ASH1L: variants seen among roughly 807,000 people sequenced by gnomAD.
The protein encoded by ASH1L is histone-lysine N-methyltransferase ASH1L.
Under a neutral mutation model 269.0 loss-of-function variants are expected in ASH1L, and 23 were observed. That is an observed-to-expected ratio of 0.09 (90% CI 0.06 to 0.12). The LOEUF is 0.12. Among genes scored for constraint, ASH1L ranks in the 10% least tolerant of loss-of-function variants. The pLI is 1.00. For synonymous variants in ASH1L, 1,187 were observed against 1,253.5 expected (o/e 0.95, Z 1.12); for missense variants, 2,912 against 3,567.8 (o/e 0.82, Z 4.68).
Position 155,389,410 on chromosome 1 carries a change from T to C in ASH1L, c.6103+6049A>G, listed in dbSNP as rs532701984. ...AAAAGAGGCTAGGCGCGGTGGCTCA[T>C]GCCTGTAATCCCAGCACTTTGGAAG... is the stretch of plus-strand genomic sequence containing the variant. On this transcript the variant is annotated intron_variant, in intron 7 of 27. Transcript: ENST00000392403. 1.5e-4 allele frequency among the ~76,000 whole-genome samples: 23 copies of C among 152,186 alleles called. No homozygotes were observed. In the South Asian group the frequency reaches 3.1e-3, roughly 21 times the overall value.
chr1:155,562,948 C>T (rs553828691), upstream of ASH1L: 14 of 456,992 alleles, frequency 3.1e-5, no homozygotes, highest in Admixed American at 2.1e-4. Flanking sequence ...CACAATCCCC[C>T]CCGCGGGACT....
intron 5 of ASH1L, among the ~76,000 whole-genome samples, chr1:155,427,348 C>T (rs1214516806): frequency 1.3e-5 from 2 of 151,542 alleles, no homozygotes; most frequent in Non-Finnish European, 2.9e-5. Flanking sequence ...GCTCTTGTTG[C>T]CCAGGCTGGA....
chr1:155,432,029 T>G (rs1158115856), intron 5 of ASH1L, among the ~76,000 whole-genome samples: 1 of 152,188 alleles, frequency 6.6e-6, no homozygotes, highest in Admixed American at 6.6e-5. Context: ...CTCATAACCA[T>G]TAAATTCTTC....
intron 3 of ASH1L, among the ~76,000 whole-genome samples, chr1:155,465,702 C>A (rs549741061): frequency 1.4e-4 from 21 of 152,202 alleles, no homozygotes; most frequent in Non-Finnish European, 2.4e-4. Context: ...ATTTATAAGT[C>A]AAAGCTATTT....
chr1:155,510,860 T>A (rs899531474), intron 2 of ASH1L, among the ~76,000 whole-genome samples: 2 of 152,022 alleles, frequency 1.3e-5, no homozygotes, highest in Non-Finnish European at 2.9e-5. Context: ...ACAGTAAACA[T>A]ATACAGAACA....
At chr1:155,425,584 A>T (rs1661084521) in intron 5 of ASH1L, among the ~76,000 whole-genome samples, 1 of 150,726 alleles carries the variant, frequency 6.6e-6, no homozygotes, top group African/African-American at 2.4e-5. Context: ...GATTACAGGC[A>T]TGTGCCACCA....
At chr1:155,434,623 C>T (rs901344180) in intron 5 of ASH1L, among the ~76,000 whole-genome samples, 5 of 151,790 alleles carry the variant, frequency 3.3e-5, no homozygotes, top group East Asian at 1.9e-4. Flanking sequence ...GAGGCCGAGG[C>T]GGGAGGATCA....
intron 4 of ASH1L, among the ~76,000 whole-genome samples, chr1:155,456,642 T>C (rs1008447526): frequency 6.6e-6 from 1 of 152,182 alleles, no homozygotes; most frequent in Non-Finnish European, 1.5e-5. Context: ...TATATACTGG[T>C]AGATCTCTAC....
chr1:155,408,652 A>G (rs1659510978), intron 6 of ASH1L, among the ~76,000 whole-genome samples: 1 of 152,198 alleles, frequency 6.6e-6, no homozygotes, highest in Admixed American at 6.5e-5. Context: ...AACAGGGGCC[A>G]GTTTAAAGGG....
At position 155,481,909 on chromosome 1, in the gene ASH1L, A is replaced by C; in HGVS notation, c.961T>G (p.Leu321Val). Residue 321 changes from leucine to valine, a missense_variant, in exon 3 of 28, where the codon TTA becomes GTA. By Grantham distance (32) the Leu-to-Val change is conservative. Around this residue, in one of 13 missense-constraint regions of ASH1L, gnomAD observed 277 missense variants for 367.7 expected, o/e 0.75. Coordinates refer to ENST00000392403, the MANE Select transcript of ASH1L (RefSeq NM_018489.3). ...GTTAVFINKN[L>V]GKKPGTITTV... ...GTGATAGTTCCTGGCTTTTTGCCTA[A>C]GTTTTTATTAATGAATACCGCTGTA... 6.2e-7 allele frequency: 1 copy of C among 1,614,118 alleles called. No homozygotes were observed. Among genetic ancestry groups the C allele is most frequent in the South Asian group, 1.1e-5 (1 of 91,074 alleles).
At chr1:155,363,565 T>A (rs1655150650) in intron 12 of ASH1L, among the ~76,000 whole-genome samples, 2 of 152,138 alleles carry the variant, frequency 1.3e-5, no homozygotes, top group South Asian at 4.1e-4. Context: ...TTTAAATGTA[T>A]ACCAGGAGTT....
intron 2 of ASH1L, among the ~76,000 whole-genome samples, chr1:155,491,910 C>A (rs1666813748): frequency 6.6e-6 from 1 of 151,854 alleles, no homozygotes; most frequent in Admixed American, 6.6e-5. Flanking sequence ...GGACCTCAAG[C>A]GATCCACTCA....
chr1:155,487,957 G>A (rs891365812), intron 2 of ASH1L, among the ~76,000 whole-genome samples: 10 of 149,930 alleles, frequency 6.7e-5, no homozygotes, highest in African/African-American at 9.9e-5. Flanking sequence ...GCGCCATCTC[G>A]GCTCACTGCA....
At chr1:155,460,348 G>A (rs867662368) in intron 3 of ASH1L, among the ~76,000 whole-genome samples, 3 of 152,110 alleles carry the variant, frequency 2.0e-5, no homozygotes, top group Non-Finnish European at 2.9e-5. Context: ...AGTGGCTCAC[G>A]CCTGTAATCC....
At chr1:155,501,987 A>G (rs563742225) in intron 2 of ASH1L, among the ~76,000 whole-genome samples, 1 of 151,856 alleles carries the variant, frequency 6.6e-6, no homozygotes, top group African/African-American at 2.4e-5. Flanking sequence ...TAGGCATGAA[A>G]GTTTTACTAT....
chr1:155,388,275 T>C (rs931577253), intron 7 of ASH1L, among the ~76,000 whole-genome samples: 5 of 152,122 alleles, frequency 3.3e-5, no homozygotes, highest in Non-Finnish European at 7.4e-5. Context: ...ATGACAACTG[T>C]ACCAGTGACC....
At chr1:155,489,937 A>G (rs1025117325) in intron 2 of ASH1L, among the ~76,000 whole-genome samples, 1 of 151,982 alleles carries the variant, frequency 6.6e-6, no homozygotes, top group Non-Finnish European at 1.5e-5. Flanking sequence ...TGAAGGGCAT[A>G]TGCATTAGTT....
intron 25 of ASH1L, among the ~76,000 whole-genome samples, chr1:155,341,532 A>C (rs1558012140): frequency 6.6e-6 from 1 of 151,724 alleles, no homozygotes; most frequent in South Asian, 2.1e-4. Context: ...TAAAAAGAAA[A>C]AGCACTGAAT....
chr1:155,539,362 T>C (rs1018556787), intron 1 of ASH1L, among the ~76,000 whole-genome samples: 1 of 152,132 alleles, frequency 6.6e-6, no homozygotes, highest in Non-Finnish European at 1.5e-5. Context: ...ACCCAGAATA[T>C]AGCAACAGCC....
Sources: gnomAD v4.1 joint callset for allele counts (sites outside exome capture counted in the v4.1 genomes callset) on GRCh38, gnomAD v4.1.1 for gene constraint, gnomAD v4.1.1 regional missense constraint, MANE v1.5 for transcripts, NCBI Gene and HGNC (gene_info 2026-07-23, HGNC 2026-07-21) for gene names.